SLC35A1: variants seen among roughly 807,000 people sequenced by gnomAD.
SLC35A1 encodes CMP-sialic acid transporter.
A neutral mutation model predicts 40.3 loss-of-function variants in SLC35A1; 21 were observed. The ratio of observed to expected loss-of-function variants is 0.52; its 90% CI spans 0.37 to 0.75. SLC35A1 has a LOEUF of 0.75. Ranked by LOEUF, SLC35A1 falls within the 30% of genes least tolerant of loss-of-function variation. The probability of loss-of-function intolerance (pLI) is 0.00; values close to 1 mark genes in which losing one functional copy is unlikely to be tolerated. For synonymous variants in SLC35A1, 146 were observed against 147.3 expected (o/e 0.99, Z 0.06); for missense variants, 297 against 382.1 (o/e 0.78, Z 1.86).
chr6:87,473,204 C>A (rs1341211598), intron 1 of SLC35A1, among the ~76,000 whole-genome samples, 185 bp downstream of exon 1: 4 of 152,316 alleles, frequency 2.6e-5, no homozygotes, highest in Middle Eastern at 6.8e-3. Context: ...CCTTCCGCTG[C>A]GGCTGCAGTC....
At chr6:87,485,150 G>A (rs1769357663) in intron 2 of SLC35A1, among the ~76,000 whole-genome samples, 2 of 152,180 alleles carry the variant, frequency 1.3e-5, no homozygotes, top group South Asian at 4.1e-4. Flanking sequence ...CTGTGATGGA[G>A]AGGCTTCTAA....
intron 2 of SLC35A1, among the ~76,000 whole-genome samples, chr6:87,499,629 A>T (rs1006199923): frequency 6.6e-6 from 1 of 152,148 alleles, no homozygotes; most frequent in Non-Finnish European, 1.5e-5. Flanking sequence ...GGAGTTAGTA[A>T]ATTATTCAGA....
intron 3 of SLC35A1, 75 bp downstream of exon 3, chr6:87,500,742 A>T: frequency 8.1e-6 from 11 of 1,361,964 alleles, no homozygotes; most frequent in Non-Finnish European, 1.1e-5. Context: ...TCTTTATCAT[A>T]TTATCAATTT....
At chr6:87,477,146 T>C (rs1160050311) in intron 1 of SLC35A1, among the ~76,000 whole-genome samples, 1 of 150,444 alleles carries the variant, frequency 6.6e-6, no homozygotes, top group Non-Finnish European at 1.5e-5. Flanking sequence ...CCTAATTGGC[T>C]GATGTTTAAA....
chr6:87,508,004 G>T (rs1004930128), intron 5 of SLC35A1, among the ~76,000 whole-genome samples: 1 of 151,996 alleles, frequency 6.6e-6, no homozygotes, highest in African/African-American at 2.4e-5. Context: ...GCAGAATTAG[G>T]AGTATTCATT....
At chr6:87,504,779 A>G (rs1246458075) in intron 4 of SLC35A1, among the ~76,000 whole-genome samples, 1 of 152,220 alleles carries the variant, frequency 6.6e-6, no homozygotes, top group Admixed American at 6.5e-5. Flanking sequence ...CTGGCAGGAA[A>G]CTAAGTCAAG....
chr6:87,482,639 A>G (rs1769276854), intron 2 of SLC35A1, among the ~76,000 whole-genome samples: 1 of 152,174 alleles, frequency 6.6e-6, no homozygotes, highest in African/African-American at 2.4e-5. Flanking sequence ...GGAACCATCT[A>G]TCGTCCTGTC....
chr6:87,498,841 T>TAA (rs34170883), intron 2 of SLC35A1, among the ~76,000 whole-genome samples: 1 of 151,148 alleles, frequency 6.6e-6, no homozygotes, highest in Non-Finnish European at 1.5e-5. Flanking sequence ...ATTAAGCAGT[T>TAA]AAAAAAAAAG....
intron 2 of SLC35A1, among the ~76,000 whole-genome samples, chr6:87,487,491 T>C (rs998436675): frequency 5.3e-5 from 8 of 152,186 alleles, no homozygotes; most frequent in African/African-American, 1.9e-4. Context: ...CCTTGTTTTG[T>C]GTGTGCTTCA....
chr6:87,491,929 T>C (rs1286396397), intron 2 of SLC35A1, among the ~76,000 whole-genome samples: 1 of 152,216 alleles, frequency 6.6e-6, no homozygotes, highest in Admixed American at 6.5e-5. Flanking sequence ...GATTAGGGCT[T>C]CAACATATGA....
rs1232122569 is a variant in SLC35A1, at chr6:87,508,580, T to C, written c.735T>C (p.Tyr245=). Residue 245 remains tyrosine (Y), a synonymous_variant, in exon 6 of 8, where the codon TAT becomes TAC. Coordinates refer to ENST00000369552, the MANE Select transcript of SLC35A1 (RefSeq NM_006416.5). The part of the protein sequence containing the change: ...EKGFFYGYTY[Y]VWFVIFLASV... ...GATTTTTCTATGGTTACACATATTATGTCTGGTTTGTCATCTGTAAGTATC... is the reference window on the plus strand; with the variant it reads ...GATTTTTCTATGGTTACACATATTACGTCTGGTTTGTCATCTGTAAGTATC... The C allele has an allele frequency of 1.9e-6, 3 of 1,612,440 alleles. No individual in the cohort carries two copies. The highest frequency in any genetic ancestry group is 8.5e-7 in the Non-Finnish European group (1 of 1,179,412).
chr6:87,478,043 ATG>A (rs1769126264), intron 2 of SLC35A1, among the ~76,000 whole-genome samples: 1 of 152,180 alleles, frequency 6.6e-6, no homozygotes, highest in Non-Finnish European at 1.5e-5. Flanking sequence ...GCACTGTGCT[ATG>A]TGTTTTTTGT....
intron 5 of SLC35A1, among the ~76,000 whole-genome samples, chr6:87,508,107 A>G (rs1442567369): frequency 4.6e-5 from 7 of 152,172 alleles, no homozygotes; most frequent in Non-Finnish European, 8.8e-5. Context: ...GGCATTAAGT[A>G]GTACAGAGAG....
chr6:87,485,596 C>A (rs1476116689), intron 2 of SLC35A1, among the ~76,000 whole-genome samples: 1 of 151,860 alleles, frequency 6.6e-6, no homozygotes, highest in African/African-American at 2.4e-5. Context: ...GACTCCATCT[C>A]TACAAAAAAT....
At chr6:87,503,713 A>G (rs1248146550) in intron 4 of SLC35A1, among the ~76,000 whole-genome samples, 2 of 151,986 alleles carry the variant, frequency 1.3e-5, no homozygotes, top group Non-Finnish European at 2.9e-5. Flanking sequence ...CTCTGTTTCA[A>G]TAATAATAAT....
At chr6:87,475,176 C>T (rs1238793465) in intron 1 of SLC35A1, among the ~76,000 whole-genome samples, 2 of 152,150 alleles carry the variant, frequency 1.3e-5, no homozygotes, top group Non-Finnish European at 2.9e-5. Context: ...ATGAGCATGG[C>T]TATGTTCTAA....
chr6:87,474,279 G>A (rs1005896500), intron 1 of SLC35A1, among the ~76,000 whole-genome samples: 2 of 152,136 alleles, frequency 1.3e-5, no homozygotes, highest in African/African-American at 2.4e-5. Context: ...CATAGTTTCC[G>A]AATATCCACA....
intron 4 of SLC35A1, among the ~76,000 whole-genome samples, chr6:87,504,807 A>C (rs6901374): frequency 6.6e-6 from 1 of 152,202 alleles, no homozygotes; most frequent in African/African-American, 2.4e-5. Context: ...CAGGCACTCT[A>C]TTTTTAGCAG....
chr6:87,502,207 C>A (rs1379067127), intron 4 of SLC35A1, among the ~76,000 whole-genome samples: 1 of 152,156 alleles, frequency 6.6e-6, no homozygotes, highest in Non-Finnish European at 1.5e-5. Flanking sequence ...TGCCCCTACA[C>A]TTTTCCTTAT....
Sources: allele counts gnomAD v4.1 joint callset (sites outside exome capture counted in the v4.1 genomes callset), GRCh38; gene constraint gnomAD v4.1.1; transcripts MANE v1.5; gene names NCBI Gene and HGNC (gene_info 2026-07-23, HGNC 2026-07-21).